The following AKAP6 variants were observed in gnomAD, a reference collection of about 807,000 sequenced individuals.
The protein encoded by AKAP6 is A-kinase anchoring protein 6.
In AKAP6, 58 loss-of-function variants were observed where a neutral mutation model predicts 188.5. The observed-to-expected ratio is 0.31, with a 90% confidence interval of 0.25 to 0.38. The LOEUF is 0.38. Among genes scored for constraint, AKAP6 ranks in the 10% least tolerant of loss-of-function variants. The pLI, the probability that AKAP6 is intolerant of heterozygous loss-of-function variation, is 1.00. For missense variants in AKAP6, 2,710 were observed against 2,740.0 expected (o/e 0.99, Z 0.24); for synonymous variants, 989 against 998.6 (o/e 0.99, Z 0.18).
At chr14:32,820,006 C>G (rs578003760) in intron 12 of AKAP6, among the ~76,000 whole-genome samples, 6 of 152,224 alleles carry the variant, frequency 3.9e-5, no homozygotes, top group African/African-American at 1.2e-4. Flanking sequence ...GCCTTCTCAG[C>G]ACTTCGCAAG....
At chr14:32,379,219 C>T (rs968871763) in intron 1 of AKAP6, among the ~76,000 whole-genome samples, 2 of 152,176 alleles carry the variant, frequency 1.3e-5, no homozygotes, top group African/African-American at 4.8e-5. Flanking sequence ...TGCGCCCAGC[C>T]ATGAGTGTAA....
intron 1 of AKAP6, among the ~76,000 whole-genome samples, chr14:32,413,574 A>C (rs3784184): frequency 0.61 from 93,228 of 151,968 alleles, 31,672 homozygotes; most frequent in Non-Finnish European, 0.76. Context: ...TTCCTGGGCC[A>C]ATTCCTCCCC....
At position 32,453,168 on chromosome 14, in the gene AKAP6, G is replaced by A. The variant is rs1384926353; in HGVS notation, c.324+19351G>A. On this transcript the variant is annotated intron_variant, in intron 2 of 13. Coordinates refer to ENST00000280979, the MANE Select transcript of AKAP6 (RefSeq NM_004274.5). ...TCCATTCAAGGACATTTAGAGAAGT[G>A]GGATAATTTTTGTTTTAATCTGAGA... is the stretch of plus-strand genomic sequence containing the variant. 2.0e-5 allele frequency among the ~76,000 whole-genome samples: 3 copies of A among 152,262 alleles called. No homozygotes were observed. In the East Asian group the frequency reaches 5.8e-4, roughly 29 times the overall value.
At chr14:32,479,461 C>T (rs964431329) in intron 2 of AKAP6, among the ~76,000 whole-genome samples, 11 of 152,038 alleles carry the variant, frequency 7.2e-5, no homozygotes, top group African/African-American at 2.7e-4. Context: ...AAAAATTGGA[C>T]TCAGATTCTA....
chr14:32,409,416 T>C (rs1232078914), intron 1 of AKAP6, among the ~76,000 whole-genome samples: 5 of 152,098 alleles, frequency 3.3e-5, no homozygotes, highest in Non-Finnish European at 5.9e-5. Flanking sequence ...ACAGTTTTTT[T>C]CCCCTTTAAA....
intron 7 of AKAP6, among the ~76,000 whole-genome samples, chr14:32,637,921 A>G (rs1887579230): frequency 6.6e-6 from 1 of 152,070 alleles, no homozygotes; most frequent in Non-Finnish European, 1.5e-5. Flanking sequence ...GCAGAATGGG[A>G]GTGGGTGGAG....
At chr14:32,674,499 A>G (rs775396174) in intron 7 of AKAP6, among the ~76,000 whole-genome samples, 4 of 152,232 alleles carry the variant, frequency 2.6e-5, no homozygotes, top group African/African-American at 4.8e-5. Flanking sequence ...AGAGGAGTCA[A>G]CAACTTAGGG....
At chr14:32,569,276 C>A (rs1331506961) in intron 4 of AKAP6, among the ~76,000 whole-genome samples, 2 of 152,210 alleles carry the variant, frequency 1.3e-5, no homozygotes, top group Admixed American at 1.3e-4. Flanking sequence ...TCTCATTCAA[C>A]CTTTAGAAAA....
intron 2 of AKAP6, among the ~76,000 whole-genome samples, chr14:32,481,551 G>A (rs1879341849): frequency 6.6e-6 from 1 of 152,144 alleles, no homozygotes; most frequent in African/African-American, 2.4e-5. Flanking sequence ...GAAAACATGT[G>A]CAGGGGAATT....
At chr14:32,580,806 C>T (rs558299029) in intron 5 of AKAP6, among the ~76,000 whole-genome samples, 5 of 151,724 alleles carry the variant, frequency 3.3e-5, no homozygotes, top group Admixed American at 1.3e-4. Context: ...ATGCGGTGTT[C>T]GTTTTTTGTC....
At chr14:32,758,580 A>C (rs1005472971) in intron 11 of AKAP6, among the ~76,000 whole-genome samples, 1 of 152,154 alleles carries the variant, frequency 6.6e-6, no homozygotes, top group Non-Finnish European at 1.5e-5. Flanking sequence ...CTAAAAATAC[A>C]AAATTATCCA....
chr14:32,815,000 T>C (rs2034341758), intron 12 of AKAP6, among the ~76,000 whole-genome samples: 1 of 152,230 alleles, frequency 6.6e-6, no homozygotes, highest in Non-Finnish European at 1.5e-5. Context: ...ATGAAGTTTA[T>C]TTATGGGAAG....
intron 4 of AKAP6, among the ~76,000 whole-genome samples, chr14:32,570,822 C>T (rs915403416): frequency 2.0e-5 from 3 of 152,098 alleles, no homozygotes; most frequent in African/African-American, 7.2e-5. Flanking sequence ...TTTAATATAC[C>T]CTTCCATGTC....
intron 2 of AKAP6, among the ~76,000 whole-genome samples, chr14:32,525,214 T>C (rs1040683658): frequency 2.6e-5 from 4 of 152,204 alleles, no homozygotes; most frequent in African/African-American, 9.6e-5. Context: ...ATTTCTCCAG[T>C]GTACAATAAC....
At chr14:32,642,246 T>C (rs561100698) in intron 7 of AKAP6, among the ~76,000 whole-genome samples, 9 of 152,316 alleles carry the variant, frequency 5.9e-5, no homozygotes, top group African/African-American at 2.2e-4. Flanking sequence ...AATGGTTGTG[T>C]TTATTTTGTG....
rs146967865 is a variant in AKAP6, at chr14:32,822,819, C to G, written c.5006C>G (p.Thr1669Ser). 9.3e-6 allele frequency: 15 copies of G among 1,613,870 alleles called. No homozygotes were observed. In the African/African-American group the frequency reaches 1.9e-4, roughly 20 times the overall value. Residue 1669 changes from threonine (T) to serine (S), a missense_variant, in exon 13 of 14, where the codon ACT becomes AGT. Around this residue, in one of 2 missense-constraint regions of AKAP6, gnomAD observed 2,473 missense variants for 2,426.1 expected, o/e 1.02. Transcript: ENST00000280979. ...LQSSSQKMSF[T>S]GQMSLDIASS... is the part of the protein sequence containing the mutation. The stretch of plus-strand genomic sequence containing the variant: ...AGCAGTTCCCAAAAGATGTCCTTTA[C>G]TGGCCAGATGTCATTGGACATAGCA...
chr14:32,761,512 C>G lies in AKAP6; in HGVS notation c.3373-12166C>G, dbSNP rs571541401. 2.0e-5 allele frequency among the ~76,000 whole-genome samples: 3 copies of G among 152,162 alleles called. No homozygotes were observed. In the South Asian group the frequency reaches 6.2e-4, roughly 32 times the overall value. On this transcript the variant is annotated intron_variant, in intron 11 of 13. Transcript: ENST00000280979. The stretch of plus-strand genomic sequence containing the variant: ...GAGAAGGGTGGAGAATAGCCAACTA[C>G]GTATGGATGAGAGAGCAAGAAAAAT...
At chr14:32,585,491 T>TAC (rs1394195565) in intron 5 of AKAP6, among the ~76,000 whole-genome samples, 7 of 100,684 alleles carry the variant, frequency 7.0e-5, no homozygotes, top group East Asian at 5.6e-4. Context: ...GAACTATATA[T>TAC]ATGTGTGTGT....
intron 1 of AKAP6, among the ~76,000 whole-genome samples, chr14:32,385,583 C>T (rs1025653451): frequency 3.3e-5 from 5 of 151,478 alleles, no homozygotes; most frequent in Admixed American, 2.0e-4. Context: ...CCCCGAGTCC[C>T]CAAAGTCCAT....
Sources: gnomAD v4.1 joint callset for allele counts (sites outside exome capture counted in the v4.1 genomes callset) on GRCh38, gnomAD v4.1.1 for gene constraint, gnomAD v4.1.1 regional missense constraint, MANE v1.5 for transcripts, NCBI Gene and HGNC (gene_info 2026-07-23, HGNC 2026-07-21) for gene names.